The following RBFOX1 variants were observed in gnomAD, a reference collection of about 807,000 sequenced individuals.
RBFOX1 encodes RNA binding protein fox-1 homolog 1.
In RBFOX1, 8 loss-of-function variants were observed where a neutral mutation model predicts 57.7. That is an observed-to-expected ratio of 0.14 (90% CI 0.08 to 0.25). The LOEUF (loss-of-function observed/expected upper bound fraction) is 0.25, where lower values mean the gene tolerates loss of function less well. RBFOX1 is among the 10% of genes least tolerant of loss of function. The probability of loss-of-function intolerance (pLI) is 1.00; values close to 1 mark genes in which losing one functional copy is unlikely to be tolerated. For synonymous variants in RBFOX1, 326 were observed against 222.4 expected (o/e 1.47, Z -4.15); for missense variants, 611 against 548.5 (o/e 1.11, Z -1.14).
chr16:6,173,841 CT>C (rs1322706104), intron 1 of RBFOX1, among the ~76,000 whole-genome samples: 1 of 151,922 alleles, frequency 6.6e-6, no homozygotes, highest in Non-Finnish European at 1.5e-5. Flanking sequence ...AACTCCTGGC[CT>C]GAAGTGATCT....
At chr16:6,235,681 A>G (rs1476343338) in intron 1 of RBFOX1, among the ~76,000 whole-genome samples, 1 of 152,026 alleles carries the variant, frequency 6.6e-6, no homozygotes, top group Non-Finnish European at 1.5e-5. Flanking sequence ...TTAGCCATAA[A>G]AAGGAATGAA....
intron 4 of RBFOX1, among the ~76,000 whole-genome samples, chr16:7,163,841 G>A (rs1286583261): frequency 3.2e-4 from 48 of 151,930 alleles, no homozygotes; most frequent in Non-Finnish European, 2.9e-5. Flanking sequence ...ATTGTTTTTG[G>A]TAGAGATGAA....
chr16:5,368,064 C>T (rs1237740234), intron 1 of RBFOX1, among the ~76,000 whole-genome samples: 1 of 152,172 alleles, frequency 6.6e-6, no homozygotes, highest in Non-Finnish European at 1.5e-5. Context: ...CCCACATGAG[C>T]TCTAACCAGT....
chr16:6,969,370 T>G (rs1033592931), intron 3 of RBFOX1, among the ~76,000 whole-genome samples: 1 of 151,980 alleles, frequency 6.6e-6, no homozygotes, highest in Non-Finnish European at 1.5e-5. Context: ...CATATTTAAC[T>G]TAAAAATTTG....
rs554730360 is a variant in RBFOX1 at position 5,566,217 on chromosome 16, CT to C, written c.259-32683del. On this transcript the variant is annotated intron_variant, in intron 2 of 2. Transcript: ENST00000585867. Reference sequence around the variant, plus strand: ...CAATGGGGATGTGAATCCGACCACACTTGGTCTCCTCCTTCCCAGTCACTGT... The same window carrying C: ...CAATGGGGATGTGAATCCGACCACACTGGTCTCCTCCTTCCCAGTCACTGT... 3.1e-3 allele frequency among the ~76,000 whole-genome samples: 466 copies of C among 152,240 alleles called. 5 individuals carry two copies. The highest frequency in any genetic ancestry group is 0.011 in the African/African-American group (450 of 41,536).
intron 1 of RBFOX1, among the ~76,000 whole-genome samples, chr16:6,281,889 C>T (rs1490587392): frequency 2.0e-5 from 3 of 152,056 alleles, no homozygotes; most frequent in Non-Finnish European, 4.4e-5. Context: ...GGCAATTTGA[C>T]AAGGCTACCC....
chr16:7,083,177 C>A (rs1300321058), intron 4 of RBFOX1, among the ~76,000 whole-genome samples: 1 of 152,040 alleles, frequency 6.6e-6, no homozygotes, highest in Non-Finnish European at 1.5e-5. Flanking sequence ...TGCTGACACC[C>A]CCCGAGGGGA....
intron 3 of RBFOX1, among the ~76,000 whole-genome samples, chr16:7,004,640 G>A (rs969903841): frequency 2.0e-5 from 3 of 152,154 alleles, no homozygotes; most frequent in African/African-American, 7.2e-5. Context: ...CCTCAACATT[G>A]GTATTCCATT....
At chr16:6,456,992 G>A (rs2094789979) in intron 2 of RBFOX1, among the ~76,000 whole-genome samples, 1 of 152,210 alleles carries the variant, frequency 6.6e-6, no homozygotes, top group Non-Finnish European at 1.5e-5. Flanking sequence ...TAGATGTTAA[G>A]TAGGCAGCTG....
At chr16:7,357,131 G>A (rs926202807) in intron 4 of RBFOX1, among the ~76,000 whole-genome samples, 1 of 152,026 alleles carries the variant, frequency 6.6e-6, no homozygotes, top group Non-Finnish European at 1.5e-5. Flanking sequence ...GAAACTGTGT[G>A]CTCGAGGTGC....
In RBFOX1 at chr16:6,097,518, A is replaced by G. The variant is rs546518464; in HGVS notation, c.-127+77526A>G. 3.3e-5 allele frequency among the ~76,000 whole-genome samples: 5 copies of G among 152,304 alleles called. No homozygotes were observed. The highest frequency in any genetic ancestry group is 2.1e-4 in the South Asian group (1 of 4,826). ...CAGGAACCAGCAATCTGTGCTTTCA[A>G]CAAGCTCTCTGAGTGCTTCTTCTGA... On this transcript the variant is annotated intron_variant, in intron 1 of 15. Transcript: ENST00000550418. The surrounding 1 kb of genome is among the most constrained non-coding windows in gnomAD (Gnocchi z 5.0).
chr16:6,220,032 C>A (rs2097361865), intron 1 of RBFOX1, among the ~76,000 whole-genome samples: 1 of 152,078 alleles, frequency 6.6e-6, no homozygotes, highest in Non-Finnish European at 1.5e-5. Flanking sequence ...TTTCTGTCTT[C>A]ATCTGTCATC....
At chr16:5,654,507 T>C (rs1403913302) in intron 3 of RBFOX1, among the ~76,000 whole-genome samples, 1 of 152,152 alleles carries the variant, frequency 6.6e-6, no homozygotes, top group Non-Finnish European at 1.5e-5. Flanking sequence ...TGGTGTTTTC[T>C]TCTCTCATTC....
At chr16:5,296,168 A>G (rs1453734124) in intron 1 of RBFOX1, among the ~76,000 whole-genome samples, 2 of 151,972 alleles carry the variant, frequency 1.3e-5, no homozygotes, top group African/African-American at 4.8e-5. Flanking sequence ...CTTTTTTCCA[A>G]TCTGACTTGT....
chr16:6,592,781 G>T (rs1169232315), intron 2 of RBFOX1, among the ~76,000 whole-genome samples: 1 of 152,194 alleles, frequency 6.6e-6, no homozygotes, highest in East Asian at 1.9e-4. Context: ...TTATTCTGTT[G>T]TAGGCAAATG....
chr16:5,281,911 C>T lies in RBFOX1; in HGVS notation c.219+41806C>T, dbSNP rs552119201. Reference sequence around the variant, plus strand: ...TTAGGTAGGTAATTTAACCCATATTCGAAGTTATTATTGATAGGTGAGGAC... The same window carrying T: ...TTAGGTAGGTAATTTAACCCATATTTGAAGTTATTATTGATAGGTGAGGAC... On this transcript the variant is annotated intron_variant, in intron 1 of 2. Coordinates refer to the RBFOX1 transcript ENST00000585867. Among the ~76,000 whole-genome samples the T allele has an allele frequency of 1.2e-4, 18 of 152,228 alleles. No homozygotes were observed. The East Asian group carries it at 1.7e-3, about 15-fold the overall frequency.
At chr16:7,601,290 A>G (rs576447990) in intron 9 of RBFOX1, among the ~76,000 whole-genome samples, 55 of 152,330 alleles carry the variant, frequency 3.6e-4, no homozygotes, top group Non-Finnish European at 6.9e-4. Flanking sequence ...GATGGGAACT[A>G]CATCACAGTT....
chr16:7,381,758 A>G (rs1017733674), intron 4 of RBFOX1, among the ~76,000 whole-genome samples: 1 of 152,146 alleles, frequency 6.6e-6, no homozygotes, highest in Non-Finnish European at 1.5e-5. Flanking sequence ...AGGCATTTGG[A>G]TACTGAATTT....
At position 5,517,580 on chromosome 16, in the gene RBFOX1, T is replaced by C. The variant is rs1450625315; in HGVS notation, c.258+50326T>C. Among the ~76,000 whole-genome samples the C allele has an allele frequency of 2.0e-5, 3 of 152,210 alleles. No homozygotes were observed. In the East Asian group the frequency reaches 5.8e-4, roughly 29 times the overall value. Reference sequence around the variant, plus strand: ...GTCCACTGTGAATGGTGATTTTATTTCTACCAGGGTTTGGACAGGGTGAGT... The same window carrying C: ...GTCCACTGTGAATGGTGATTTTATTCCTACCAGGGTTTGGACAGGGTGAGT... On this transcript the variant is annotated intron_variant, in intron 2 of 2. Transcript: ENST00000585867.
Sources: gnomAD v4.1 joint callset for allele counts (sites outside exome capture counted in the v4.1 genomes callset) on GRCh38, gnomAD v4.1.1 for gene constraint, Gnocchi (gnomAD v3.1) non-coding constraint, MANE v1.5 for transcripts, NCBI Gene and HGNC (gene_info 2026-07-23, HGNC 2026-07-21) for gene names.